Variants in FHL1 observed in about 807,000 individuals in gnomAD.
FHL1 encodes four and a half LIM domains protein 1.
In FHL1, 1 loss-of-function variant was observed where a neutral mutation model predicts 20.3. That is an observed-to-expected ratio of 0.05 (90% confidence interval 0.02 to 0.23). The LOEUF (loss-of-function observed/expected upper bound fraction) is 0.23. Ranked by LOEUF, FHL1 falls within the 10% of genes least tolerant of loss-of-function variation. FHL1 has a pLI of 1.00. For synonymous variants in FHL1, 82 were observed against 88.9 expected (o/e 0.92, Z 0.44); for missense variants, 177 against 234.0 (o/e 0.76, Z 1.59).
At chrX:136,173,865 T>C (rs754538714) in intron 2 of FHL1, among the ~76,000 whole-genome samples, 1 of 110,484 alleles carries the variant, frequency 9.1e-6, no homozygotes, top group Admixed American at 9.6e-5. Context: ...GCCCGGCTAA[T>C]TTTTTGTATT....
chrX:136,197,129 A>C lies in FHL1; in HGVS notation c.17A>C (p.His6Pro). The C allele has an allele frequency of 8.3e-7, 1 of 1,208,586 alleles. No individual in the cohort carries two copies. Among genetic ancestry groups the C allele is most frequent in the Non-Finnish European group, 1.1e-6 (1 of 893,226 alleles). MASHR[H>P]SGPSSYKVGT... The stretch of plus-strand genomic sequence containing the variant: ...CTCTGAGCCATGGCTTCCCATAGAC[A>C]CTCAGGTAAAACTTCATGCTCTTTA... Residue 6 changes from histidine to proline, a missense_variant, in exon 1 of 6, where the codon CAC (histidine) becomes CCC (proline). Transcript: ENST00000370683.
chrX:136,146,889 C>T (rs1016374682), upstream of FHL1: 13 of 328,012 alleles, frequency 4.0e-5, no homozygotes, highest in African/African-American at 8.0e-5. Context: ...CTCCCTCCGG[C>T]TTGCTACTAA....
Position 136,160,982 on chromosome X carries a change from C to T in FHL1, c.-100-8925C>T, listed in dbSNP as rs149971100. Among the ~76,000 whole-genome samples the T allele has an allele frequency of 2.0e-4, 22 of 111,899 alleles. 1 individual carries two copies. In the East Asian group the frequency reaches 5.6e-3, roughly 29 times the overall value. On this transcript the variant is annotated intron_variant, in intron 1 of 7. Transcript: ENST00000394155. ...GATTTCTTTCAGTCAGCTTCACAATCGACACCAAATCCTGCAGCTGACGTG... is the reference window on the plus strand; with the variant it reads ...GATTTCTTTCAGTCAGCTTCACAATTGACACCAAATCCTGCAGCTGACGTG...
upstream of FHL1, chrX:136,167,187 T>G (rs778053446): frequency 3.6e-5 from 4 of 111,922 alleles, no homozygotes; most frequent in Non-Finnish European, 7.5e-5. Context: ...TACTGGGAGA[T>G]AGAAACGAAA....
intron 2 of FHL1, among the ~76,000 whole-genome samples, chrX:136,175,793 G>T (rs765630502): frequency 8.9e-6 from 1 of 112,526 alleles, no homozygotes; most frequent in African/African-American, 3.2e-5. Context: ...CTGTGGACAA[G>T]AACTAGAAGG....
intron 1 of FHL1, among the ~76,000 whole-genome samples, chrX:136,158,120 A>G (rs1231574080): frequency 1.8e-5 from 2 of 112,128 alleles, no homozygotes; most frequent in African/African-American, 6.5e-5. Context: ...ATGTTTCTGT[A>G]TAAAATTACT....
At chrX:136,158,752 G>C (rs999830567) in intron 1 of FHL1, among the ~76,000 whole-genome samples, 1 of 111,470 alleles carries the variant, frequency 9.0e-6, no homozygotes. Context: ...GCTGTGTTAT[G>C]ACCGTCTTTG....
exon 1 of FHL1, chrX:136,147,595 C>T (rs1430531262): frequency 9.1e-6 from 1 of 109,518 alleles, no homozygotes; most frequent in Non-Finnish European, 1.9e-5. Flanking sequence ...GCCGCCGCCG[C>T]CGAGACAGCT....
At chrX:136,209,103 C>G in intron 5 of FHL1, 1 of 521,867 alleles carries the variant, frequency 1.9e-6, no homozygotes, top group South Asian at 3.5e-5. Flanking sequence ...TTTGTTTTTG[C>G]GATCAGCAAA....
At chrX:136,198,649 G>C (rs1239586661) in intron 1 of FHL1, among the ~76,000 whole-genome samples, 1 of 112,172 alleles carries the variant, frequency 8.9e-6, no homozygotes, top group Non-Finnish European at 1.9e-5. Context: ...GGGCAAAATA[G>C]AAGCTAGGAT....
At chrX:136,197,771 C>T (rs907223229) in intron 1 of FHL1, among the ~76,000 whole-genome samples, 6 of 112,097 alleles carry the variant, frequency 5.4e-5, no homozygotes, top group African/African-American at 1.6e-4. Flanking sequence ...CTTTGGCCAT[C>T]GACAAGAAAT....
upstream of FHL1, among the ~76,000 whole-genome samples, chrX:136,193,071 G>T (rs1403969979): frequency 1.2e-5 from 1 of 86,305 alleles, no homozygotes; most frequent in African/African-American, 4.5e-5. Flanking sequence ...ATGAGGGAAA[G>T]AAGAGTCATG....
At chrX:136,168,723 C>T (rs184687586), upstream of FHL1, among the ~76,000 whole-genome samples, 9 of 111,503 alleles carry the variant, frequency 8.1e-5, no homozygotes, top group East Asian at 5.7e-4. Context: ...TCCTGACAAT[C>T]GTCGTCAGGA....
intron 1 of FHL1, among the ~76,000 whole-genome samples, chrX:136,199,213 A>C (rs1319708130): frequency 9.0e-6 from 1 of 111,638 alleles, no homozygotes; most frequent in Non-Finnish European, 1.9e-5. Flanking sequence ...CTAGAATTGA[A>C]TCTGGACTGC....
upstream of FHL1, among the ~76,000 whole-genome samples, chrX:136,195,113 A>G (rs2073525065): frequency 1.8e-5 from 2 of 112,232 alleles, no homozygotes; most frequent in South Asian, 7.5e-4. Context: ...TTGTTTTTTG[A>G]TACTTTCATA....
chrX:136,183,106 A>C (rs1028773503), intron 2 of FHL1, among the ~76,000 whole-genome samples: 11 of 100,927 alleles, frequency 1.1e-4, no homozygotes, highest in Non-Finnish European at 1.7e-4. Flanking sequence ...AAAAAAAAAA[A>C]AACAAAAAAC....
intron 1 of FHL1, among the ~76,000 whole-genome samples, chrX:136,156,442 C>T (rs2072421407): frequency 9.1e-6 from 1 of 110,367 alleles, no homozygotes; most frequent in African/African-American, 3.3e-5. Flanking sequence ...CCACCATGCC[C>T]AGCTAATTTT....
At chrX:136,201,748 A>G (rs1354489531) in intron 1 of FHL1, among the ~76,000 whole-genome samples, 5 of 110,257 alleles carry the variant, frequency 4.5e-5, no homozygotes, top group Non-Finnish European at 9.5e-5. Context: ...TGGCATCCCT[A>G]CTATGTACAG....
At chrX:136,180,256 T>C (rs1273780486) in intron 2 of FHL1, among the ~76,000 whole-genome samples, 1 of 112,090 alleles carries the variant, frequency 8.9e-6, no homozygotes, top group African/African-American at 3.2e-5. Flanking sequence ...ATTGTTGAAA[T>C]TTGGAAAGCC....
Sources: allele counts gnomAD v4.1 joint callset (sites outside exome capture counted in the v4.1 genomes callset), GRCh38; gene constraint gnomAD v4.1.1; transcripts MANE v1.5; gene names NCBI Gene and HGNC (gene_info 2026-07-23, HGNC 2026-07-21).